EYS: variants seen among roughly 807,000 people sequenced by gnomAD.
EYS encodes protein eyes shut homolog.
In EYS, 250 loss-of-function variants were observed where a neutral mutation model predicts 282.1. The ratio of observed to expected loss-of-function variants is 0.89; its 90% CI spans 0.80 to 0.98. EYS has a LOEUF of 0.98. Ranked by LOEUF, EYS falls within the 50% of genes least tolerant of loss-of-function variation. The pLI is 0.00. For synonymous variants in EYS, 1,355 were observed against 1,282.9 expected (o/e 1.06, Z -1.20); for missense variants, 4,016 against 3,709.0 (o/e 1.08, Z -2.15).
chr6:64,867,845 G>A (rs1766471003), intron 19 of EYS, among the ~76,000 whole-genome samples: 1 of 151,470 alleles, frequency 6.6e-6, no homozygotes, highest in South Asian at 2.1e-4. Context: ...AATTATTTGT[G>A]TATATTTCCT....
At chr6:64,437,731 G>A (rs1774800864) in intron 27 of EYS, among the ~76,000 whole-genome samples, 1 of 146,814 alleles carries the variant, frequency 6.8e-6, no homozygotes, top group South Asian at 2.2e-4. Flanking sequence ...AGGCTATGAA[G>A]GCTAGCTTTT....
intron 28 of EYS, among the ~76,000 whole-genome samples, chr6:64,400,770 AG>A (rs1421679826): frequency 6.6e-6 from 1 of 152,092 alleles, no homozygotes; most frequent in Non-Finnish European, 1.5e-5. Context: ...AGGTCAAATG[AG>A]CAGAATAGTT....
At chr6:65,437,686 A>G (rs1215497436) in intron 5 of EYS, among the ~76,000 whole-genome samples, 2 of 152,188 alleles carry the variant, frequency 1.3e-5, no homozygotes, top group African/African-American at 2.4e-5. Flanking sequence ...AAACTGTTAC[A>G]AAAATATTTT....
chr6:64,074,632 C>T (rs920819720), intron 32 of EYS, among the ~76,000 whole-genome samples: 8 of 151,580 alleles, frequency 5.3e-5, no homozygotes, highest in South Asian at 2.1e-4. Context: ...CATTGGTTAT[C>T]GGTTTGAATT....
At chr6:64,200,620 T>C (rs1011160523) in intron 31 of EYS, among the ~76,000 whole-genome samples, 1 of 152,122 alleles carries the variant, frequency 6.6e-6, no homozygotes, top group East Asian at 1.9e-4. Context: ...TCATTATGGC[T>C]CAGAATTCCT....
At chr6:65,416,409 C>T (rs187258151) in intron 5 of EYS, among the ~76,000 whole-genome samples, 2 of 152,026 alleles carry the variant, frequency 1.3e-5, no homozygotes, top group Non-Finnish European at 2.9e-5. Flanking sequence ...GTCTCTATCT[C>T]TCTCTCATAC....
intron 12 of EYS, among the ~76,000 whole-genome samples, chr6:65,231,855 A>G (rs1766791195): frequency 6.6e-6 from 1 of 151,880 alleles, no homozygotes; most frequent in Non-Finnish European, 1.5e-5. Flanking sequence ...GAAAGCAAGT[A>G]GTGGTATGAA....
intron 26 of EYS, among the ~76,000 whole-genome samples, chr6:64,565,369 T>C (rs557581878): frequency 2.0e-5 from 3 of 152,264 alleles, no homozygotes; most frequent in South Asian, 2.1e-4. Context: ...TTTTATACGA[T>C]GTGAGGTGGT....
intron 30 of EYS, among the ~76,000 whole-genome samples, chr6:64,280,965 T>G (rs936325216): frequency 6.6e-6 from 1 of 152,128 alleles, no homozygotes; most frequent in Admixed American, 6.6e-5. Flanking sequence ...CCTTTGTTGG[T>G]AAAAGTATCT....
intron 29 of EYS, among the ~76,000 whole-genome samples, chr6:64,343,951 T>C (rs1771249635): frequency 6.6e-6 from 1 of 151,808 alleles, no homozygotes; most frequent in Non-Finnish European, 1.5e-5. Context: ...AACTAGAAAA[T>C]CTAGAAGAAA....
At chr6:64,700,804 G>A (rs1346256122) in intron 22 of EYS, among the ~76,000 whole-genome samples, 1 of 151,850 alleles carries the variant, frequency 6.6e-6, no homozygotes, top group Non-Finnish European at 1.5e-5. Flanking sequence ...ACTATCCAAA[G>A]CAAAGTACAG....
chr6:64,957,544 A>G (rs1002813831), intron 14 of EYS, among the ~76,000 whole-genome samples: 3 of 152,224 alleles, frequency 2.0e-5, no homozygotes, highest in Admixed American at 1.3e-4. Flanking sequence ...TATAGTCAAT[A>G]ACAACTTAAT....
intron 22 of EYS, among the ~76,000 whole-genome samples, chr6:64,779,147 A>T: frequency 6.6e-6 from 1 of 152,154 alleles, no homozygotes; most frequent in Non-Finnish European, 1.5e-5. Flanking sequence ...TTTGGAATTT[A>T]CCAAAGTAAA....
At chr6:65,615,408 GTA>G (rs1384884505) in intron 2 of EYS, among the ~76,000 whole-genome samples, 4 of 145,486 alleles carry the variant, frequency 2.7e-5, no homozygotes, top group Admixed American at 7.0e-5. Flanking sequence ...ATATGTGTGT[GTA>G]TATATAAATA....
chr6:65,566,734 C>T (rs77918689), intron 2 of EYS, among the ~76,000 whole-genome samples: 2,511 of 152,222 alleles, frequency 0.016, 68 homozygotes, highest in African/African-American at 0.056. Flanking sequence ...GCCTAAATTT[C>T]ATCATCTAAA....
intron 36 of EYS, among the ~76,000 whole-genome samples, chr6:63,834,950 G>A (rs1037025178): frequency 3.3e-5 from 5 of 149,804 alleles, no homozygotes; most frequent in African/African-American, 1.2e-4. Flanking sequence ...ACTATGGCAA[G>A]GACAGAAAAA....
chr6:65,191,688 G>C (rs1765645545), intron 12 of EYS, among the ~76,000 whole-genome samples: 2 of 151,774 alleles, frequency 1.3e-5, no homozygotes, highest in African/African-American at 4.8e-5. Flanking sequence ...AAATCAGCTT[G>C]TACATTACTC....
intron 31 of EYS, among the ~76,000 whole-genome samples, chr6:64,193,699 G>T (rs746686094): frequency 1.2e-4 from 19 of 152,038 alleles, no homozygotes; most frequent in Non-Finnish European, 2.1e-4. Flanking sequence ...CCCACCCTGT[G>T]TCCAAGTGTT....
chr6:65,506,460 CTTTTTTTTTTTT>C (rs58326040), intron 2 of EYS, among the ~76,000 whole-genome samples: 29 of 64,882 alleles, frequency 4.5e-4, no homozygotes, highest in African/African-American at 1.7e-3. Flanking sequence ...TCCTTCCTTT[CTTTTTTTTTTTT>C]TTTTTTTTTT....
Sources: gnomAD v4.1 joint callset for allele counts (sites outside exome capture counted in the v4.1 genomes callset) on GRCh38, gnomAD v4.1.1 for gene constraint, MANE v1.5 for transcripts, NCBI Gene and HGNC (gene_info 2026-07-23, HGNC 2026-07-21) for gene names.